Variants in CAPN13 observed in about 807,000 individuals in gnomAD.
CAPN13 encodes calpain-13.
Under a neutral mutation model 98.4 loss-of-function variants are expected in CAPN13, and 90 were observed. The observed-to-expected ratio is 0.92, with a 90% CI of 0.77 to 1.09. CAPN13 has a LOEUF of 1.09. CAPN13 is among the 50% of genes least tolerant of loss of function. The probability of loss-of-function intolerance (pLI) is 0.00; values close to 1 mark genes in which losing one functional copy is unlikely to be tolerated. For synonymous variants in CAPN13, 330 were observed against 305.5 expected (o/e 1.08, Z -0.84); for missense variants, 887 against 841.3 (o/e 1.05, Z -0.67).
intron 7 of CAPN13, among the ~76,000 whole-genome samples, chr2:30,762,031 A>G (rs17010206): frequency 0.047 from 7,199 of 152,248 alleles, 641 homozygotes; most frequent in African/African-American, 0.17. Flanking sequence ...TTAGACCTCA[A>G]GTGTTGTGGG....
At chr2:30,786,516 C>T (rs564924542) in intron 2 of CAPN13, among the ~76,000 whole-genome samples, 6 of 152,168 alleles carry the variant, frequency 3.9e-5, no homozygotes, top group African/African-American at 1.4e-4. Flanking sequence ...AGGTAGTGGC[C>T]ATCTGCTGGG....
chr2:30,736,664 T>G, intron 17 of CAPN13, 93 bp from the exon 18 acceptor site: 1 of 1,125,644 alleles, frequency 8.9e-7, no homozygotes, highest in South Asian at 1.3e-5. Flanking sequence ...CATTCATCAC[T>G]AGCAACACAG....
At position 30,722,861 on chromosome 2, in the gene CAPN13, G is replaced by A. The variant is rs181012574; in HGVS notation, c.*406C>T. The stretch of plus-strand genomic sequence containing the variant: ...AGTGTAATTATTCTGCAAACACCCA[G>A]TGGACAGCTCTTGTGTCACCCATAG... On this transcript the variant is annotated 3_prime_UTR_variant, in exon 23 of 23. Coordinates refer to ENST00000295055, the MANE Select transcript of CAPN13 (RefSeq NM_144575.3). 9.2e-5 allele frequency: 14 copies of A among 152,370 alleles called. 1 individual carries two copies. Among genetic ancestry groups the A allele is most frequent in the African/African-American group, 3.4e-4 (14 of 41,590 alleles). The allele number at this position is 152,370 out of a possible 1,614,324, so 9.4% of individuals were successfully genotyped here.
At chr2:30,791,116 A>C (rs1342023927) in intron 1 of CAPN13, among the ~76,000 whole-genome samples, 1 of 152,242 alleles carries the variant, frequency 6.6e-6, no homozygotes, top group African/African-American at 2.4e-5. Flanking sequence ...CCCTGGCTGC[A>C]TACTGCAGGA....
intron 19 of CAPN13, among the ~76,000 whole-genome samples, chr2:30,732,807 C>A (rs1032736760): frequency 6.6e-6 from 1 of 152,188 alleles, no homozygotes; most frequent in African/African-American, 2.4e-5. Flanking sequence ...GATACATTGG[C>A]CTTCACAATC....
intron 4 of CAPN13, among the ~76,000 whole-genome samples, chr2:30,771,794 A>G (rs1023885585): frequency 6.6e-6 from 1 of 152,256 alleles, no homozygotes; most frequent in African/African-American, 2.4e-5. Context: ...GTTGAACAAG[A>G]TAACTCTCTG....
chr2:30,769,229 G>A (rs1439959301), intron 5 of CAPN13, among the ~76,000 whole-genome samples: 1 of 151,986 alleles, frequency 6.6e-6, no homozygotes, highest in Non-Finnish European at 1.5e-5. Context: ...CCCCTTAGGG[G>A]CCCCCAGGAA....
chr2:30,792,684 G>A (rs985793640), intron 1 of CAPN13, among the ~76,000 whole-genome samples: 5 of 151,814 alleles, frequency 3.3e-5, no homozygotes, highest in African/African-American at 9.7e-5. Flanking sequence ...TAGAGGAGAA[G>A]GGAAATACGG....
intron 11 of CAPN13, among the ~76,000 whole-genome samples, chr2:30,748,093 G>A (rs1355105981): frequency 3.3e-5 from 5 of 152,202 alleles, no homozygotes; most frequent in African/African-American, 1.2e-4. Context: ...TGTGTGCCGG[G>A]GCAGCTCTGA....
chr2:30,741,966 T>C lies in CAPN13; in HGVS notation c.1480-2A>G, dbSNP rs776656132. The C allele has an allele frequency of 4.4e-5, 71 of 1,613,466 alleles. No homozygotes were observed. In the Middle Eastern group the frequency reaches 4.9e-4, roughly 11 times the overall value. On this transcript the variant is annotated splice_acceptor_variant, in intron 14 of 22. Coordinates refer to ENST00000295055, the MANE Select transcript of CAPN13 (RefSeq NM_144575.3). LOFTEE classifies it high-confidence loss of function. ...GGAGCCATGTTCTGAAGGGCTTCCC[T>C]GGATCAAAGGGAAAATAGTCAATGT...
At chr2:30,747,885 G>T (rs1393959246) in intron 11 of CAPN13, among the ~76,000 whole-genome samples, 1 of 152,236 alleles carries the variant, frequency 6.6e-6, no homozygotes, top group Non-Finnish European at 1.5e-5. Flanking sequence ...AGGAGCTCTT[G>T]GGTCTGAGAG....
chr2:30,763,617 A>T (rs1459733330), intron 6 of CAPN13, among the ~76,000 whole-genome samples: 1 of 152,262 alleles, frequency 6.6e-6, no homozygotes, highest in Admixed American at 6.5e-5. Context: ...CATGGATAGA[A>T]ACCAGATGTC....
intron 5 of CAPN13, 76 bp from the exon 6 acceptor site, chr2:30,764,382 C>G (rs368207538): frequency 1.3e-6 from 2 of 1,506,106 alleles, no homozygotes; most frequent in Non-Finnish European, 9.0e-7. Context: ...TGCACTGATC[C>G]TCTGCCTATT....
intron 4 of CAPN13, 37 bp from the exon 5 acceptor site, chr2:30,770,486 A>G: frequency 1.2e-6 from 2 of 1,605,090 alleles, no homozygotes; most frequent in Non-Finnish European, 1.7e-6. Flanking sequence ...GACAGAGTTG[A>G]GGCAGAAGGG....
At chr2:30,727,457 C>G (rs1285317592) in intron 22 of CAPN13, among the ~76,000 whole-genome samples, 1 of 152,160 alleles carries the variant, frequency 6.6e-6, no homozygotes, top group Non-Finnish European at 1.5e-5. Context: ...ACATCTATAA[C>G]TCCTCTGTAG....
In CAPN13 at chr2:30,779,256, C is replaced by T. The variant is rs112174406; in HGVS notation, c.199-1617G>A. 8.1e-3 allele frequency among the ~76,000 whole-genome samples: 1,230 copies of T among 152,324 alleles called. 5 individuals are homozygous for T. The highest frequency in any genetic ancestry group is 0.028 in the African/African-American group (1,176 of 41,570). On this transcript the variant is annotated intron_variant, in intron 2 of 22. Coordinates refer to ENST00000295055, the MANE Select transcript of CAPN13 (RefSeq NM_144575.3). ...GCTTGGAAAGCCCATTCAGACAGAC[C>T]TGTTGTGCAATCCTACTCTAATATT...
chr2:30,771,330 C>T (rs1057481294), intron 4 of CAPN13, among the ~76,000 whole-genome samples: 1 of 152,216 alleles, frequency 6.6e-6, no homozygotes, highest in African/African-American at 2.4e-5. Context: ...CCATGGAAAG[C>T]TGGGTGGATG....
rs1558607607 is a variant in CAPN13 at position 30,732,484 on chromosome 2, G to C, written c.1881C>G (p.Ser627Arg). ...LRYSDSVGRVSFPSLVCFLMR... is the reference protein window; with the variant it reads ...LRYSDSVGRVRFPSLVCFLMR... ...TCAGGAAGCAGACCAGGCTGGGGAA[G>C]CTGACCCTGCCGACGCTGTCGCTGT... Residue 627 changes from serine to arginine, a missense_variant, in exon 20 of 23, where the codon AGC becomes AGG. Ser to Arg is a moderately radical substitution (Grantham distance 110). Transcript: ENST00000295055. The C allele has an allele frequency of 6.2e-7, 1 of 1,613,388 alleles. No individual in the cohort carries two copies. Among genetic ancestry groups the C allele is most frequent in the East Asian group, 2.2e-5 (1 of 44,866 alleles).
chr2:30,759,772 A>C (rs1672742170), intron 7 of CAPN13, among the ~76,000 whole-genome samples: 3 of 152,198 alleles, frequency 2.0e-5, no homozygotes, highest in Admixed American at 2.0e-4. Context: ...TTTTGGAATT[A>C]GGCATGAGTA....
Sources: allele counts gnomAD v4.1 joint callset (sites outside exome capture counted in the v4.1 genomes callset), GRCh38; gene constraint gnomAD v4.1.1; transcripts MANE v1.5; gene names NCBI Gene and HGNC (gene_info 2026-07-23, HGNC 2026-07-21).